The following RB1 variants were observed in gnomAD, a reference collection of about 807,000 sequenced individuals.
RB1 encodes RB transcriptional corepressor 1, also known as retinoblastoma-associated protein.
A neutral mutation model predicts 135.4 loss-of-function variants in RB1; 18 were observed. The ratio of observed to expected loss-of-function variants is 0.13; its 90% CI spans 0.09 to 0.20. RB1 has a LOEUF of 0.20. Ranked by LOEUF, RB1 falls within the 10% of genes least tolerant of loss-of-function variation. The pLI is 1.00. For synonymous variants in RB1, 365 were observed against 373.2 expected, an observed-to-expected ratio of 0.98 and a Z score of 0.25; for missense variants, 868 against 1,110.0, an observed-to-expected ratio of 0.78 and a Z score of 3.10.
chr13:48,312,634 G>A (rs1414235433), intron 2 of RB1, among the ~76,000 whole-genome samples: 2 of 152,150 alleles, frequency 1.3e-5, no homozygotes, highest in Non-Finnish European at 2.9e-5. Context: ...AAACCTATCC[G>A]TTCAGTCTCA....
At chr13:48,456,120 C>G (rs2138330639) in intron 18 of RB1, 84 bp from the exon 19 acceptor site, 1 of 1,583,678 alleles carries the variant, frequency 6.3e-7, no homozygotes, top group Non-Finnish European at 8.6e-7. Flanking sequence ...CAAGATGTAT[C>G]TGGGTGTACA....
intron 17 of RB1, among the ~76,000 whole-genome samples, chr13:48,452,584 C>A (rs554081117): frequency 8.7e-4 from 133 of 152,072 alleles, no homozygotes; most frequent in Middle Eastern, 3.4e-3. Flanking sequence ...TTATCTTGAT[C>A]AATCTGACTG....
chr13:48,341,650 C>T (rs982679577), intron 2 of RB1, among the ~76,000 whole-genome samples: 1 of 151,712 alleles, frequency 6.6e-6, no homozygotes, highest in African/African-American at 2.4e-5. Context: ...TATTTACATC[C>T]CAAGTAGCTA....
intron 20 of RB1, among the ~76,000 whole-genome samples, chr13:48,460,812 T>C (rs1032997750): frequency 1.6e-4 from 24 of 152,004 alleles, no homozygotes; most frequent in African/African-American, 5.6e-4. Flanking sequence ...AATTTAAAAA[T>C]TAGCCAGGTG....
chr13:48,451,393 T>C (rs1304028542), intron 17 of RB1, among the ~76,000 whole-genome samples: 2 of 152,224 alleles, frequency 1.3e-5, no homozygotes, highest in African/African-American at 2.4e-5. Flanking sequence ...GGTTTTTGTC[T>C]TTAATTCTGT....
chr13:48,380,089 A>T lies in RB1; in HGVS notation c.1421+5A>T. Reference sequence around the variant, plus strand: ...ATTATCCATTCAAAATTTTAGGTAAATTTTTTACTTTTAGTAAAAAATTTT... The same window carrying T: ...ATTATCCATTCAAAATTTTAGGTAATTTTTTTACTTTTAGTAAAAAATTTT... On this transcript the variant is annotated splice_donor_5th_base_variant and intron_variant, in intron 15 of 26. Coordinates refer to ENST00000267163, the MANE Select transcript of RB1 (RefSeq NM_000321.3). The T allele has an allele frequency of 1.4e-6, 2 of 1,412,164 alleles. No individual in the cohort carries two copies. Among genetic ancestry groups the T allele is most frequent in the South Asian group, 1.4e-5 (1 of 72,560 alleles). The allele number at this position is 1,412,164 out of a possible 1,614,324, so 87.5% of individuals were successfully genotyped here. A position where few individuals can be genotyped will look rare whatever the true frequency, so the allele number is the denominator to read the frequency against.
At chr13:48,311,851 A>T (rs1479843921) in intron 2 of RB1, among the ~76,000 whole-genome samples, 1 of 152,154 alleles carries the variant, frequency 6.6e-6, no homozygotes, top group Non-Finnish European at 1.5e-5. Context: ...GATTATAGGC[A>T]TGCGCCACCA....
Position 48,465,128 on chromosome 13 carries a change from C to T in RB1, c.2325+17C>T, listed in dbSNP as rs774913854. ...TCCACCAGGGTAGGTCAAAAGTATC[C>T]TTTGATTGGAAAAATCTAATGTAAT... On this transcript the variant is annotated intron_variant, in intron 22 of 26. Coordinates refer to ENST00000267163, the MANE Select transcript of RB1 (RefSeq NM_000321.3). 6.8e-6 allele frequency: 11 copies of T among 1,612,944 alleles called. No individual in the cohort carries two copies. Among genetic ancestry groups the T allele is most frequent in the Non-Finnish European group, 3.4e-6 (4 of 1,179,188 alleles).
chr13:48,350,751 C>T (rs1375942327), intron 6 of RB1, among the ~76,000 whole-genome samples: 1 of 152,098 alleles, frequency 6.6e-6, no homozygotes, highest in Non-Finnish European at 1.5e-5. Flanking sequence ...TTCAAGTAGA[C>T]CCCAGTGCCT....
At chr13:48,388,201 G>A (rs1948585028) in intron 17 of RB1, among the ~76,000 whole-genome samples, 1 of 152,148 alleles carries the variant, frequency 6.6e-6, no homozygotes. Context: ...TTACATAAGG[G>A]TAAAGAACAG....
intron 1 of RB1, among the ~76,000 whole-genome samples, chr13:48,306,412 G>GA (rs1013587825): frequency 1.3e-4 from 20 of 149,738 alleles, no homozygotes; most frequent in African/African-American, 2.0e-4. Context: ...TTCAAAACAA[G>GA]AAAAAAAAAC....
intron 25 of RB1, 71 bp downstream of exon 25, chr13:48,476,914 C>T (rs1020840287): frequency 6.4e-7 from 1 of 1,565,724 alleles, no homozygotes; most frequent in South Asian, 1.1e-5. Flanking sequence ...CTCAGCACTG[C>T]TCCTGGCTTA....
rs2138364904 is a variant in RB1, at chr13:48,480,126, C to T, written c.*55C>T. On this transcript the variant is annotated 3_prime_UTR_variant, in exon 27 of 27. Transcript: ENST00000267163. ...ACACCTCTGGATTCATTGTCTCTCA[C>T]AGATGTGACTGTATAACTTTCCCAG... is the stretch of plus-strand genomic sequence containing the variant. 1.4e-6 allele frequency: 2 copies of T among 1,425,296 alleles called. No homozygotes were observed. The highest frequency in any genetic ancestry group is 4.7e-5 in the East Asian group (2 of 42,632). 88.3% of individuals were successfully genotyped at this position (1,425,296 alleles called of 1,614,324 possible).
chr13:48,392,330 C>G (rs141914442), intron 17 of RB1, among the ~76,000 whole-genome samples: 1 of 152,070 alleles, frequency 6.6e-6, no homozygotes, highest in Non-Finnish European at 1.5e-5. Context: ...AGGCTGGTCT[C>G]GAACTCCTGA....
chr13:48,398,065 G>A (rs773807694), intron 17 of RB1, among the ~76,000 whole-genome samples: 1 of 152,094 alleles, frequency 6.6e-6, no homozygotes, highest in African/African-American at 2.4e-5. Context: ...AAAAGCATGG[G>A]CCAGGACAAT....
intron 17 of RB1, chr13:48,422,637 A>G (rs1240320421): frequency 6.6e-6 from 1 of 152,146 alleles, no homozygotes; most frequent in Non-Finnish European, 1.5e-5. Context: ...TCCATAAAAA[A>G]TTTAAAAATT....
chr13:48,478,537 C>T (rs1055534789), intron 26 of RB1, among the ~76,000 whole-genome samples: 9 of 152,126 alleles, frequency 5.9e-5, no homozygotes, highest in African/African-American at 2.2e-4. Flanking sequence ...GAGCTGAAAG[C>T]TGTAAAAACA....
intron 17 of RB1, among the ~76,000 whole-genome samples, chr13:48,409,981 T>C (rs1948778899): frequency 6.6e-6 from 1 of 152,200 alleles, no homozygotes; most frequent in Admixed American, 6.5e-5. Flanking sequence ...ATTTTATGTT[T>C]AGTGAAATGA....
intron 17 of RB1, among the ~76,000 whole-genome samples, chr13:48,404,597 G>A (rs1294061155): frequency 2.0e-5 from 3 of 151,914 alleles, no homozygotes; most frequent in Admixed American, 6.5e-5. Flanking sequence ...TGTGATCTCC[G>A]CTCACTGCAA....
Sources: gnomAD v4.1 joint callset for allele counts (sites outside exome capture counted in the v4.1 genomes callset) on GRCh38, gnomAD v4.1.1 for gene constraint, MANE v1.5 for transcripts, NCBI Gene and HGNC (gene_info 2026-07-23, HGNC 2026-07-21) for gene names.